The following DAGLA variants were observed in gnomAD, a reference collection of about 807,000 sequenced individuals.
DAGLA encodes the protein diacylglycerol lipase alpha.
DAGLA carries 22 observed loss-of-function variants against 102.6 expected under a neutral mutation model. The observed-to-expected ratio is 0.21, with a 90% confidence interval of 0.15 to 0.31. DAGLA has a LOEUF of 0.31. Ranked by LOEUF, DAGLA falls within the 10% of genes least tolerant of loss-of-function variation. The pLI, the probability that DAGLA is intolerant of heterozygous loss-of-function variation, is 1.00. For synonymous variants in DAGLA, 578 were observed against 628.9 expected (o/e 0.92, Z 1.21); for missense variants, 927 against 1,446.6 (o/e 0.64, Z 5.83).
intron 1 of DAGLA, among the ~76,000 whole-genome samples, chr11:61,714,912 A>G (rs1279635619): frequency 6.6e-6 from 1 of 152,174 alleles, no homozygotes; most frequent in Non-Finnish European, 1.5e-5. Context: ...ATTCTTCAGT[A>G]GTAATAGTAA....
intron 1 of DAGLA, among the ~76,000 whole-genome samples, chr11:61,698,651 C>T (rs1490604935): frequency 1.3e-5 from 2 of 152,182 alleles, no homozygotes; most frequent in Admixed American, 6.5e-5. Context: ...CCAAATGTGC[C>T]GGCAGCATGA....
intron 1 of DAGLA, among the ~76,000 whole-genome samples, chr11:61,717,094 G>A (rs1162374840): frequency 6.6e-6 from 1 of 152,098 alleles, no homozygotes; most frequent in Non-Finnish European, 1.5e-5. Context: ...CTGTTAGAGG[G>A]GAGGACCCTA....
intron 1 of DAGLA, among the ~76,000 whole-genome samples, chr11:61,683,115 C>T (rs2064958161): frequency 6.6e-6 from 1 of 152,224 alleles, no homozygotes; most frequent in Non-Finnish European, 1.5e-5. Flanking sequence ...TTCTCTCACC[C>T]AGGCCGTTTC....
At chr11:61,715,065 T>A (rs932062348) in intron 1 of DAGLA, among the ~76,000 whole-genome samples, 1 of 152,108 alleles carries the variant, frequency 6.6e-6, no homozygotes, top group African/African-American at 2.4e-5. Flanking sequence ...CACAGAGAGG[T>A]TAAGTACCTT....
intron 1 of DAGLA, among the ~76,000 whole-genome samples, chr11:61,717,684 C>T (rs10488693): frequency 0.059 from 9,060 of 152,296 alleles, 456 homozygotes; most frequent in Admixed American, 0.16. Flanking sequence ...CTCTGTGCCT[C>T]GGATTCTATG....
intron 6 of DAGLA, 32 bp downstream of exon 6, chr11:61,726,114 C>G (rs1353968768): frequency 6.3e-7 from 1 of 1,595,094 alleles, no homozygotes; most frequent in Non-Finnish European, 8.6e-7. Flanking sequence ...CCCTCTGGCT[C>G]ACATCCTGTG....
intron 1 of DAGLA, among the ~76,000 whole-genome samples, chr11:61,702,877 T>G (rs1461378734): frequency 6.6e-6 from 1 of 152,232 alleles, no homozygotes; most frequent in Non-Finnish European, 1.5e-5. Context: ...CCACAGCCCC[T>G]TCCTGCCACA....
chr11:61,723,165 C>T (rs1393090930), intron 4 of DAGLA, among the ~76,000 whole-genome samples: 1 of 152,190 alleles, frequency 6.6e-6, no homozygotes, highest in Non-Finnish European at 1.5e-5. Flanking sequence ...AGGCACAGAG[C>T]TGCTCAGGTC....
At chr11:61,680,800 C>T (rs531182441) in intron 1 of DAGLA, among the ~76,000 whole-genome samples, 7 of 152,074 alleles carry the variant, frequency 4.6e-5, no homozygotes, top group Non-Finnish European at 1.0e-4. Context: ...GTGGTGGCCA[C>T]GCAGGTGTGA....
intron 1 of DAGLA, among the ~76,000 whole-genome samples, chr11:61,710,333 G>C (rs1462015570): frequency 1.3e-5 from 2 of 151,872 alleles, no homozygotes; most frequent in Non-Finnish European, 2.9e-5. Context: ...AAGCTGGAAG[G>C]GCAGATGGGC....
chr11:61,738,912 G>C (rs894599234), intron 16 of DAGLA, among the ~76,000 whole-genome samples: 7 of 151,994 alleles, frequency 4.6e-5, no homozygotes, highest in Non-Finnish European at 8.8e-5. Flanking sequence ...TGGTGCCCTA[G>C]ACCCTGTGGC....
chr11:61,703,779 A>T (rs1261129338), intron 1 of DAGLA, among the ~76,000 whole-genome samples: 1 of 152,228 alleles, frequency 6.6e-6, no homozygotes, highest in Non-Finnish European at 1.5e-5. Flanking sequence ...GGTCATAGGC[A>T]ACACTCCTGT....
In DAGLA at chr11:61,722,931, A is replaced by G. The variant is rs2065296298; in HGVS notation, c.380A>G (p.Asn127Ser). ...VWLTQYYTSC[N>S]DLTAKNVTLG... ...CTCACTCAGTACTACACCTCCTGCA[A>G]CGACCTCACTGCCAAGAATGTCACC... Residue 127 changes from asparagine to serine, a missense_variant, in exon 4 of 20, where the codon AAC (asparagine) becomes AGC (serine). By Grantham distance (46) the Asn-to-Ser change is conservative. Coordinates refer to ENST00000257215, the MANE Select transcript of DAGLA (RefSeq NM_006133.3). 6.2e-7 allele frequency: 1 copy of G among 1,614,074 alleles called. No homozygotes were observed. Among genetic ancestry groups the G allele is most frequent in the Non-Finnish European group, 8.5e-7 (1 of 1,179,958 alleles).
chr11:61,724,548 C>T lies in DAGLA; in HGVS notation c.548+976C>T, dbSNP rs577876177. 2.5e-3 allele frequency among the ~76,000 whole-genome samples: 388 copies of T among 152,318 alleles called. 1 individual carries two copies. The highest frequency in any genetic ancestry group is 5.2e-3 in the Admixed American group (80 of 15,310). On this transcript the variant is annotated intron_variant, in intron 5 of 19. Transcript: ENST00000257215. ...CTCAAGCACCTGGGGAGCAGGCTGT[C>T]TGGACCCCCGCTGCCCGGCAGGAAT...
intron 16 of DAGLA, among the ~76,000 whole-genome samples, 187 bp downstream of exon 16, chr11:61,738,394 C>T (rs1384346631): frequency 6.6e-6 from 1 of 152,216 alleles, no homozygotes; most frequent in Non-Finnish European, 1.5e-5. Context: ...CATCCATCCC[C>T]TGTCATTGTG....
intron 1 of DAGLA, among the ~76,000 whole-genome samples, chr11:61,710,250 G>A (rs1474868821): frequency 2.0e-5 from 3 of 151,888 alleles, no homozygotes; most frequent in Non-Finnish European, 2.9e-5. Flanking sequence ...CATCTGGGGA[G>A]TGAGGTCCCA....
At chr11:61,712,355 G>A (rs1422952365) in intron 1 of DAGLA, among the ~76,000 whole-genome samples, 1 of 152,212 alleles carries the variant, frequency 6.6e-6, no homozygotes, top group African/African-American at 2.4e-5. Context: ...ATGGTGAGGG[G>A]TGGAGGAGGT....
At chr11:61,682,823 G>A (rs59371352) in intron 1 of DAGLA, among the ~76,000 whole-genome samples, 17,085 of 150,716 alleles carry the variant, frequency 0.11, 1,290 homozygotes, top group East Asian at 0.25. Flanking sequence ...ATGGTTCTGC[G>A]GGAGGTTGAG....
chr11:61,721,255 G>A (rs910193999), intron 3 of DAGLA, among the ~76,000 whole-genome samples: 10 of 151,600 alleles, frequency 6.6e-5, no homozygotes, highest in Non-Finnish European at 1.0e-4. Context: ...TTAGCCAGGT[G>A]TGGTGGCACA....
Sources: gnomAD v4.1 joint callset for allele counts (sites outside exome capture counted in the v4.1 genomes callset) on GRCh38, gnomAD v4.1.1 for gene constraint, MANE v1.5 for transcripts, NCBI Gene and HGNC (gene_info 2026-07-23, HGNC 2026-07-21) for gene names.